EIF4E: variants seen among roughly 807,000 people sequenced by gnomAD.
EIF4E encodes eukaryotic translation initiation factor 4E.
For missense variants in EIF4E, 113 were observed against 265.6 expected (o/e 0.43, Z 3.99); for synonymous variants, 71 against 88.5 (o/e 0.80, Z 1.11).
chr4:98,893,571 C>A (rs1724245644), intron 2 of EIF4E, among the ~76,000 whole-genome samples: 1 of 152,180 alleles, frequency 6.6e-6, no homozygotes, highest in Admixed American at 6.5e-5. Context: ...TCTGCTCACC[C>A]ATAAGAAGCA....
chr4:98,893,504 C>A (rs1724243422), intron 2 of EIF4E, among the ~76,000 whole-genome samples: 1 of 152,222 alleles, frequency 6.6e-6, no homozygotes, highest in Admixed American at 6.5e-5. Flanking sequence ...GTTGTCACTT[C>A]AACAATGTTC....
At chr4:98,909,778 A>G (rs1725032653) in intron 1 of EIF4E, 1 of 703,030 alleles carries the variant, frequency 1.4e-6, no homozygotes, top group Non-Finnish European at 2.6e-6. Context: ...CTTCTTTTTC[A>G]TGCATCACTT....
At chr4:98,929,072 TG>T in intron 1 of EIF4E, 22 bp downstream of exon 1, 4 of 1,577,702 alleles carry the variant, frequency 2.5e-6, no homozygotes, top group Non-Finnish European at 3.4e-6. Context: ...CCCGTGGGGG[TG>T]GGGGCCAAAG....
chr4:98,916,433 A>C (rs1725386853), intron 1 of EIF4E, among the ~76,000 whole-genome samples: 1 of 152,142 alleles, frequency 6.6e-6, no homozygotes, highest in African/African-American at 2.4e-5. Flanking sequence ...TATCTGAGTA[A>C]CTGTTTCAAA....
In EIF4E at chr4:98,889,637, T is replaced by C. The variant is rs1189611804; in HGVS notation, c.221+1600A>G. Reference sequence around the variant, plus strand: ...ACATTTATAGAAAACTGAAAAATCCTTCATATCTCTAAGTTATGGTATAAA... The same window carrying C: ...ACATTTATAGAAAACTGAAAAATCCCTCATATCTCTAAGTTATGGTATAAA... On this transcript the variant is annotated intron_variant, in intron 3 of 6. Transcript: ENST00000450253. 3.3e-5 allele frequency among the ~76,000 whole-genome samples: 5 copies of C among 152,200 alleles called. No homozygotes were observed. In the East Asian group the frequency reaches 9.6e-4, roughly 29 times the overall value.
At chr4:98,921,932 T>C (rs1368039188) in intron 1 of EIF4E, among the ~76,000 whole-genome samples, 1 of 152,248 alleles carries the variant, frequency 6.6e-6, no homozygotes, top group Admixed American at 6.5e-5. Context: ...AATTAGTTAC[T>C]AAAACACGAT....
intron 2 of EIF4E, among the ~76,000 whole-genome samples, chr4:98,900,241 A>G (rs1724589948): frequency 6.6e-6 from 1 of 152,166 alleles, no homozygotes; most frequent in African/African-American, 2.4e-5. Flanking sequence ...TGTTCAACCT[A>G]ATACATGTGG....
At chr4:98,923,988 AACCC>A (rs2110227221) in intron 1 of EIF4E, among the ~76,000 whole-genome samples, 1 of 152,308 alleles carries the variant, frequency 6.6e-6, no homozygotes, top group Non-Finnish European at 1.5e-5. Context: ...ATGAGACTAT[AACCC>A]ATGCTCATTT....
chr4:98,918,760 C>T (rs979242500), intron 1 of EIF4E, among the ~76,000 whole-genome samples: 1 of 152,158 alleles, frequency 6.6e-6, no homozygotes, highest in African/African-American at 2.4e-5. Context: ...ATATGTAATG[C>T]TCTACAAGAC....
At chr4:98,928,858 C>T (rs1481551349) in intron 1 of EIF4E, 1 of 1,539,556 alleles carries the variant, frequency 6.5e-7, no homozygotes, top group Non-Finnish European at 8.8e-7. Context: ...CACGCCGCCC[C>T]TCCCCCACAC....
chr4:98,917,133 C>CA (rs756226013), intron 1 of EIF4E, among the ~76,000 whole-genome samples: 17 of 55,244 alleles, frequency 3.1e-4, no homozygotes, highest in South Asian at 4.5e-4. Flanking sequence ...CACACACACA[C>CA]AAAAAAAACC....
chr4:98,899,012 T>C (rs1487735058), intron 2 of EIF4E, among the ~76,000 whole-genome samples: 2 of 151,282 alleles, frequency 1.3e-5, no homozygotes, highest in African/African-American at 4.9e-5. Flanking sequence ...CAGAAACCAC[T>C]GAGGAAAAGC....
chr4:98,921,313 A>G (rs1472193804), intron 1 of EIF4E, among the ~76,000 whole-genome samples: 1 of 152,212 alleles, frequency 6.6e-6, no homozygotes, highest in African/African-American at 2.4e-5. Context: ...CCCCATAAGA[A>G]GTTTCACGGC....
intron 3 of EIF4E, among the ~76,000 whole-genome samples, chr4:98,888,904 T>A (rs1018213840): frequency 6.6e-6 from 1 of 152,136 alleles, no homozygotes; most frequent in East Asian, 1.9e-4. Context: ...CTCACGCCTG[T>A]AATCCCAGCA....
At chr4:98,911,265 G>C (rs1725114943) in intron 1 of EIF4E, among the ~76,000 whole-genome samples, 2 of 151,150 alleles carry the variant, frequency 1.3e-5, no homozygotes, top group South Asian at 4.2e-4. Context: ...GGCCAGACTG[G>C]TCTTGAACTC....
chr4:98,917,543 TC>T (rs1725440036), intron 1 of EIF4E, among the ~76,000 whole-genome samples: 1 of 152,164 alleles, frequency 6.6e-6, no homozygotes, highest in East Asian at 1.9e-4. Flanking sequence ...GGCAATACCA[TC>T]TTTCCCTTAA....
intron 1 of EIF4E, chr4:98,928,851 G>A (rs973340086): frequency 6.5e-7 from 1 of 1,536,310 alleles, no homozygotes; most frequent in Non-Finnish European, 8.8e-7. Flanking sequence ...GAGGCGCCAC[G>A]CCGCCCCTCC....
intron 6 of EIF4E, among the ~76,000 whole-genome samples, chr4:98,884,519 C>A (rs976314549): frequency 6.6e-6 from 1 of 152,048 alleles, no homozygotes; most frequent in South Asian, 2.1e-4. Flanking sequence ...GCCTGGCCAA[C>A]GTGGCAAAAC....
chr4:98,887,010 C>T lies in EIF4E; in HGVS notation c.399+69G>A. Reference sequence around the variant, plus strand: ...CTTAAATTAAGTAACAAATGTAAAACATAACATATCTTAAGTATCAGTATT... The same window carrying T: ...CTTAAATTAAGTAACAAATGTAAAATATAACATATCTTAAGTATCAGTATT... On this transcript the variant is annotated intron_variant, in intron 5 of 6. Transcript: ENST00000450253. The surrounding 1 kb of genome is among the most constrained non-coding windows in gnomAD (Gnocchi z 4.0). The T allele has an allele frequency of 6.8e-7, 1 of 1,460,396 alleles. No individual in the cohort carries two copies. Among genetic ancestry groups the T allele is most frequent in the Non-Finnish European group, 9.6e-7 (1 of 1,043,216 alleles). The allele number at this position is 1,460,396 out of a possible 1,614,324, so 90.5% of individuals were successfully genotyped here.
Sources: allele counts gnomAD v4.1 joint callset (sites outside exome capture counted in the v4.1 genomes callset), GRCh38; gene constraint gnomAD v4.1.1; non-coding constraint Gnocchi (gnomAD v3.1); transcripts MANE v1.5; gene names NCBI Gene and HGNC (gene_info 2026-07-23, HGNC 2026-07-21).